The following FHIT variants were observed in gnomAD, a reference collection of about 807,000 sequenced individuals.
FHIT encodes the protein bis(5'-adenosyl)-triphosphatase.
FHIT carries 19 observed loss-of-function variants against 17.9 expected under a neutral mutation model. That is an observed-to-expected ratio of 1.06 (90% CI 0.74 to 1.56). The LOEUF (loss-of-function observed/expected upper bound fraction) is 1.56, where lower values mean the gene tolerates loss of function less well. FHIT is among the 40% of genes most tolerant of loss of function. The pLI is 0.00. For synonymous variants in FHIT, 81 were observed against 69.7 expected, an observed-to-expected ratio of 1.16 and a Z score of -0.81; for missense variants, 248 against 189.2, an observed-to-expected ratio of 1.31 and a Z score of -1.82.
intron 4 of FHIT, among the ~76,000 whole-genome samples, chr3:60,709,364 C>T (rs959858641): frequency 4.6e-5 from 7 of 152,038 alleles, no homozygotes; most frequent in Non-Finnish European, 8.8e-5. Flanking sequence ...TTGAAGTGTG[C>T]CAAGAAAATC....
chr3:60,472,793 TC>T (rs1175717352), intron 5 of FHIT, among the ~76,000 whole-genome samples: 7 of 152,154 alleles, frequency 4.6e-5, no homozygotes, highest in African/African-American at 1.7e-4. Flanking sequence ...GACTTGTGTG[TC>T]CCAAAGCCCC....
At chr3:60,311,250 C>CAT in intron 5 of FHIT, among the ~76,000 whole-genome samples, 1 of 150,942 alleles carries the variant, frequency 6.6e-6, no homozygotes, top group African/African-American at 2.4e-5. Flanking sequence ...TCTACCCCAA[C>CAT]GTGTGTGTGT....
chr3:60,918,984 G>C (rs868914837), intron 3 of FHIT, among the ~76,000 whole-genome samples: 1 of 151,894 alleles, frequency 6.6e-6, no homozygotes, highest in Non-Finnish European at 1.5e-5. Context: ...AAACTTCTAT[G>C]GGTAAAAAAA....
At chr3:60,126,103 G>T (rs887874857) in intron 5 of FHIT, among the ~76,000 whole-genome samples, 1 of 152,038 alleles carries the variant, frequency 6.6e-6, no homozygotes, top group African/African-American at 2.4e-5. Flanking sequence ...CAAGAACTTG[G>T]TCTGATCTAG....
At chr3:60,353,697 C>T (rs1000053534) in intron 5 of FHIT, among the ~76,000 whole-genome samples, 2 of 151,986 alleles carry the variant, frequency 1.3e-5, no homozygotes, top group South Asian at 4.2e-4. Flanking sequence ...AAAGCCAACT[C>T]TTTAGAAATG....
chr3:59,798,017 G>C (rs959171343), intron 8 of FHIT, among the ~76,000 whole-genome samples: 2 of 152,084 alleles, frequency 1.3e-5, no homozygotes, highest in African/African-American at 4.8e-5. Flanking sequence ...CACTGCTTAG[G>C]GTCCCAAAGA....
chr3:60,127,275 T>C (rs1449991993), intron 5 of FHIT, among the ~76,000 whole-genome samples: 2 of 152,204 alleles, frequency 1.3e-5, no homozygotes, highest in Non-Finnish European at 2.9e-5. Flanking sequence ...GACCTTTAGA[T>C]AATTGATTTC....
chr3:59,790,572 A>G lies in FHIT; in HGVS notation c.349-38251T>C, dbSNP rs148293478. 3.0e-3 allele frequency among the ~76,000 whole-genome samples: 449 copies of G among 151,648 alleles called. 1 individual carries two copies. The highest frequency in any genetic ancestry group is 0.01 in the African/African-American group (429 of 41,310). ...AATCATCTGTCTTCATCATTGCATTATTGATATTGATTGATTGTAGGAGGA... is the reference window on the plus strand; with the variant it reads ...AATCATCTGTCTTCATCATTGCATTGTTGATATTGATTGATTGTAGGAGGA... On this transcript the variant is annotated intron_variant, in intron 8 of 9. Coordinates refer to ENST00000492590, the MANE Select transcript of FHIT (RefSeq NM_002012.4).
At chr3:60,071,535 C>A (rs983327829) in intron 5 of FHIT, among the ~76,000 whole-genome samples, 1 of 152,130 alleles carries the variant, frequency 6.6e-6, no homozygotes, top group Non-Finnish European at 1.5e-5. Flanking sequence ...CTTTCCATGT[C>A]TGGCATGCCT....
intron 4 of FHIT, among the ~76,000 whole-genome samples, chr3:60,808,189 C>CTA (rs1701462339): frequency 6.6e-6 from 1 of 152,178 alleles, no homozygotes; most frequent in African/African-American, 2.4e-5. Context: ...ATAGTCCCAA[C>CTA]TTTTATGTAA....
At chr3:60,524,415 G>A (rs1011300035) in intron 5 of FHIT, among the ~76,000 whole-genome samples, 1 of 152,112 alleles carries the variant, frequency 6.6e-6, no homozygotes, top group Non-Finnish European at 1.5e-5. Flanking sequence ...TGGGGAATTG[G>A]CATTCCACGA....
At chr3:61,099,046 GCTGT>G (rs1390654100) in intron 2 of FHIT, among the ~76,000 whole-genome samples, 2 of 152,126 alleles carry the variant, frequency 1.3e-5, no homozygotes, top group Non-Finnish European at 2.9e-5. Context: ...TATGATGTTG[GCTGT>G]CTGTTTGCCA....
At chr3:60,626,088 CTTTA>C (rs1432865199) in intron 4 of FHIT, among the ~76,000 whole-genome samples, 1 of 152,086 alleles carries the variant, frequency 6.6e-6, no homozygotes, top group Non-Finnish European at 1.5e-5. Context: ...TGCCATTGAT[CTTTA>C]TTGTTATGTC....
At chr3:60,345,844 TCA>T (rs1459910906) in intron 5 of FHIT, among the ~76,000 whole-genome samples, 3 of 150,306 alleles carry the variant, frequency 2.0e-5, no homozygotes, top group South Asian at 2.1e-4. Flanking sequence ...ACACCTGGTT[TCA>T]CAGTTACTAA....
At chr3:60,481,623 G>C (rs1056209460) in intron 5 of FHIT, among the ~76,000 whole-genome samples, 14 of 152,108 alleles carry the variant, frequency 9.2e-5, no homozygotes, top group African/African-American at 3.4e-4. Flanking sequence ...ACAAGCAAAT[G>C]CTGAGGGATT....
intron 1 of FHIT, among the ~76,000 whole-genome samples, chr3:61,250,294 C>T (rs1560111919): frequency 6.6e-6 from 1 of 152,226 alleles, no homozygotes; most frequent in Non-Finnish European, 1.5e-5. Context: ...CAGGTAGATC[C>T]GGCTTAACAT....
At chr3:60,286,929 T>C (rs930067214) in intron 5 of FHIT, among the ~76,000 whole-genome samples, 4 of 152,178 alleles carry the variant, frequency 2.6e-5, no homozygotes, top group Non-Finnish European at 4.4e-5. Context: ...CCTCAGATAT[T>C]TTTATATCTA....
At chr3:61,016,174 C>T (rs1393121783) in intron 3 of FHIT, among the ~76,000 whole-genome samples, 2 of 152,152 alleles carry the variant, frequency 1.3e-5, no homozygotes, top group Non-Finnish European at 2.9e-5. Context: ...CAAGGCCTCT[C>T]ATCACATTAA....
intron 5 of FHIT, among the ~76,000 whole-genome samples, chr3:60,032,338 G>C (rs1244016963): frequency 6.6e-6 from 1 of 152,078 alleles, no homozygotes; most frequent in Non-Finnish European, 1.5e-5. Context: ...TGTGGTCTCA[G>C]CTACTCAGGA....
Sources: allele counts gnomAD v4.1 joint callset (sites outside exome capture counted in the v4.1 genomes callset), GRCh38; gene constraint gnomAD v4.1.1; transcripts MANE v1.5; gene names NCBI Gene and HGNC (gene_info 2026-07-23, HGNC 2026-07-21).